The following TENM2 variants were observed in gnomAD, a reference collection of about 807,000 sequenced individuals.
The protein encoded by TENM2 is teneurin transmembrane protein 2.
Under a neutral mutation model 245.2 loss-of-function variants are expected in TENM2, and 52 were observed. The ratio of observed to expected loss-of-function variants is 0.21; its 90% CI spans 0.17 to 0.27. The LOEUF is 0.27. Among genes scored for constraint, TENM2 ranks in the 10% least tolerant of loss-of-function variants. The pLI is 1.00. For missense variants in TENM2, 3,046 were observed against 3,666.8 expected, an observed-to-expected ratio of 0.83 and a Z score of 4.37; for synonymous variants, 1,363 against 1,438.9, an observed-to-expected ratio of 0.95 and a Z score of 1.19.
intron 2 of TENM2, among the ~76,000 whole-genome samples, chr5:167,517,885 C>T (rs1034873782): frequency 2.6e-5 from 4 of 151,878 alleles, no homozygotes; most frequent in East Asian, 1.9e-4. Context: ...AGATCTTCCC[C>T]GTTCAAAAGC....
At chr5:167,232,016 G>T in the TENM2 span, among the ~76,000 whole-genome samples, 4 of 152,210 alleles carry the variant, frequency 2.6e-5, no homozygotes, top group Non-Finnish European at 5.9e-5. Context: ...CTTGCAGGTG[G>T]TATTAGACCT....
intron 12 of TENM2, 55 bp from the exon 15 acceptor site, chr5:168,162,556 T>A: frequency 6.3e-7 from 1 of 1,588,650 alleles, no homozygotes; most frequent in Non-Finnish European, 8.6e-7. Flanking sequence ...GCTCCCCTGC[T>A]TCCCCAGCGC....
At chr5:167,255,602 A>G in the TENM2 span, among the ~76,000 whole-genome samples, 4 of 152,316 alleles carry the variant, frequency 2.6e-5, no homozygotes, top group South Asian at 4.1e-4. Context: ...CTTCTTGGAT[A>G]TGAAAACGTA....
chr5:167,012,404 A>G, the TENM2 span, among the ~76,000 whole-genome samples: 1 of 152,196 alleles, frequency 6.6e-6, no homozygotes, highest in Admixed American at 6.5e-5. Flanking sequence ...ACAAATAATA[A>G]ATGTTTAAAC....
intron 2 of TENM2, among the ~76,000 whole-genome samples, chr5:167,594,271 C>T (rs1776056868): frequency 1.3e-5 from 2 of 151,992 alleles, no homozygotes; most frequent in Admixed American, 1.3e-4. Flanking sequence ...AGTTGTATTC[C>T]CCATTGATAG....
intron 2 of TENM2, among the ~76,000 whole-genome samples, chr5:167,799,294 T>A (rs1410431300): frequency 6.6e-6 from 1 of 152,216 alleles, no homozygotes; most frequent in Non-Finnish European, 1.5e-5. Context: ...TCAAATCGCA[T>A]GGTGAAGAAG....
chr5:167,016,123 G>A, the TENM2 span, among the ~76,000 whole-genome samples: 10 of 151,940 alleles, frequency 6.6e-5, no homozygotes, highest in South Asian at 8.4e-4. Flanking sequence ...GCATGGTGGC[G>A]GGCGCCTGTA....
At chr5:167,959,948 G>A (rs951019235) in intron 4 of TENM2, among the ~76,000 whole-genome samples, 3 of 152,120 alleles carry the variant, frequency 2.0e-5, no homozygotes, top group African/African-American at 7.2e-5. Context: ...TTCCAGTCAG[G>A]CCCCTCAGCT....
the TENM2 span, among the ~76,000 whole-genome samples, chr5:167,022,441 G>A: frequency 6.6e-6 from 1 of 152,112 alleles, no homozygotes; most frequent in Non-Finnish European, 1.5e-5. Flanking sequence ...AACTTTTTAC[G>A]TAAATATATC....
At chr5:167,371,388 T>C (rs1760425944) in intron 1 of TENM2, among the ~76,000 whole-genome samples, 1 of 146,720 alleles carries the variant, frequency 6.8e-6, no homozygotes, top group African/African-American at 2.5e-5. Flanking sequence ...GGAGTTTCGC[T>C]CTTGTTGCCC....
intron 19 of TENM2, among the ~76,000 whole-genome samples, chr5:168,210,135 C>T (rs781724639): frequency 6.4e-4 from 97 of 152,172 alleles, no homozygotes; most frequent in African/African-American, 2.2e-3. Context: ...TAGACTGACT[C>T]GGTGATGCTG....
chr5:167,485,658 TGAA>T (rs934064519), intron 2 of TENM2, among the ~76,000 whole-genome samples: 9 of 152,048 alleles, frequency 5.9e-5, no homozygotes, highest in Admixed American at 2.0e-4. Flanking sequence ...TGCAGTGGGT[TGAA>T]GAACAAAACA....
the TENM2 span, among the ~76,000 whole-genome samples, chr5:167,120,147 G>A: frequency 6.6e-6 from 1 of 152,122 alleles, no homozygotes; most frequent in Non-Finnish European, 1.5e-5. Context: ...AGGTTAAGAA[G>A]GACTCTGCAA....
At chr5:167,309,237 G>C (rs72645740) in intron 1 of TENM2, among the ~76,000 whole-genome samples, 1 of 152,036 alleles carries the variant, frequency 6.6e-6, no homozygotes, top group Admixed American at 6.6e-5. Context: ...AAAGATGGCC[G>C]CTCTCCCTTT....
chr5:167,791,787 T>C (rs1254488626), intron 2 of TENM2, among the ~76,000 whole-genome samples: 1 of 152,004 alleles, frequency 6.6e-6, no homozygotes, highest in African/African-American at 2.4e-5. Context: ...AAAACACATC[T>C]AGATTTCCAA....
At chr5:167,146,402 C>G in the TENM2 span, among the ~76,000 whole-genome samples, 1 of 152,274 alleles carries the variant, frequency 6.6e-6, no homozygotes, top group South Asian at 2.1e-4. Flanking sequence ...CTTGGGAAAT[C>G]TGTTGATAAC....
intron 2 of TENM2, among the ~76,000 whole-genome samples, chr5:167,654,113 TACTA>T (rs1561641646): frequency 2.0e-5 from 3 of 152,102 alleles, no homozygotes; most frequent in African/African-American, 2.4e-5. Flanking sequence ...GTAGTACTTT[TACTA>T]ACTTTTTTTT....
chr5:167,085,854 G>C, the TENM2 span, among the ~76,000 whole-genome samples: 1 of 152,200 alleles, frequency 6.6e-6, no homozygotes, highest in Non-Finnish European at 1.5e-5. Context: ...ACAGGTCGAA[G>C]TTTTAAGCAG....
the TENM2 span, among the ~76,000 whole-genome samples, chr5:167,037,613 G>T: frequency 2.0e-5 from 3 of 152,094 alleles, no homozygotes; most frequent in Non-Finnish European, 4.4e-5. Flanking sequence ...TCTGTCACAG[G>T]GTCCTAGCCC....
Sources: allele counts gnomAD v4.1 joint callset (sites outside exome capture counted in the v4.1 genomes callset), GRCh38; gene constraint gnomAD v4.1.1; transcripts MANE v1.5; gene names NCBI Gene and HGNC (gene_info 2026-07-23, HGNC 2026-07-21).